OR51B5: variants seen among roughly 807,000 people sequenced by gnomAD.
OR51B5 encodes olfactory receptor 51B5.
For synonymous variants in OR51B5, 186 were observed against 144.8 expected (o/e 1.28, Z -2.04); for missense variants, 456 against 374.6 (o/e 1.22, Z -1.79).
intron 1 of OR51B5, among the ~76,000 whole-genome samples, chr11:5,383,175 C>T (rs1849637118): frequency 6.6e-6 from 1 of 151,926 alleles, no homozygotes; most frequent in South Asian, 2.1e-4. Context: ...TTGTAGGGCT[C>T]ATTGAAGGAA....
chr11:5,362,535 G>A (rs993211166), intron 1 of OR51B5: 7 of 162,132 alleles, frequency 4.3e-5, no homozygotes, highest in African/African-American at 1.7e-4. Context: ...AGAGAGCAGA[G>A]ATGAAGTCAG....
intron 1 of OR51B5, among the ~76,000 whole-genome samples, chr11:5,369,419 A>T (rs1243106396): frequency 6.6e-6 from 1 of 152,166 alleles, no homozygotes; most frequent in Non-Finnish European, 1.5e-5. Flanking sequence ...CATCTATTAT[A>T]CCTCAGTAAA....
intron 1 of OR51B5, among the ~76,000 whole-genome samples, chr11:5,412,502 G>A (rs1423014576): frequency 6.6e-6 from 1 of 152,220 alleles, no homozygotes; most frequent in East Asian, 1.9e-4. Context: ...GCCTCACTCG[G>A]GAAGCGCAAG....
intron 1 of OR51B5, among the ~76,000 whole-genome samples, chr11:5,478,616 A>C (rs1434808552): frequency 6.7e-6 from 1 of 150,228 alleles, no homozygotes; most frequent in African/African-American, 2.4e-5. Context: ...ACTTTGAAAA[A>C]AATTTAGAAG....
intron 1 of OR51B5, among the ~76,000 whole-genome samples, chr11:5,359,222 A>G (rs1176810895): frequency 4.0e-5 from 6 of 150,010 alleles, no homozygotes; most frequent in Middle Eastern, 6.8e-3. Context: ...TGCAGATGAC[A>G]CGATTGTATA....
intron 1 of OR51B5, among the ~76,000 whole-genome samples, chr11:5,389,104 G>A (rs7935520): frequency 0.79 from 119,233 of 151,694 alleles, 47,232 homozygotes; most frequent in Middle Eastern, 0.84. Context: ...ATAGAATATG[G>A]CCAGGAAATT....
intron 1 of OR51B5, among the ~76,000 whole-genome samples, chr11:5,364,537 G>A (rs1250004315): frequency 1.3e-5 from 2 of 152,206 alleles, no homozygotes; most frequent in Non-Finnish European, 2.9e-5. Flanking sequence ...TAAGCACAGT[G>A]CTTTGAAGAG....
intron 1 of OR51B5, among the ~76,000 whole-genome samples, chr11:5,370,718 C>T (rs187623755): frequency 6.6e-5 from 10 of 152,140 alleles, no homozygotes; most frequent in Admixed American, 5.9e-4. Flanking sequence ...TCCTATGAAG[C>T]TTGTATTTTA....
At chr11:5,369,122 C>G (rs1403678416) in intron 1 of OR51B5, among the ~76,000 whole-genome samples, 1 of 152,118 alleles carries the variant, frequency 6.6e-6, no homozygotes, top group Non-Finnish European at 1.5e-5. Context: ...TGACTAGAAT[C>G]TAAGGTTAGA....
At chr11:5,351,710 A>C (rs1330849840) in intron 1 of OR51B5, 2 of 1,613,960 alleles carry the variant, frequency 1.2e-6, no homozygotes, top group Admixed American at 1.7e-5. Flanking sequence ...GCAGCTACAG[A>C]CCTCGGAGTG....
chr11:5,436,355 G>C (rs185521342), intron 1 of OR51B5, among the ~76,000 whole-genome samples: 1 of 152,348 alleles, frequency 6.6e-6, no homozygotes, highest in African/African-American at 2.4e-5. Flanking sequence ...AACTCTTCAT[G>C]AAAGTTCTGG....
chr11:5,389,841 T>G, intron 1 of OR51B5: 2 of 1,613,960 alleles, frequency 1.2e-6, no homozygotes, highest in Non-Finnish European at 1.7e-6. Flanking sequence ...TCGGTCATTA[T>G]CACTGGCCAG....
intron 1 of OR51B5, among the ~76,000 whole-genome samples, chr11:5,490,789 G>C (rs189920251): frequency 1.6e-3 from 239 of 152,328 alleles, no homozygotes; most frequent in Non-Finnish European, 2.9e-3. Flanking sequence ...TCTACTAGCT[G>C]CAAGAATTAG....
At chr11:5,466,415 G>T (rs1468128695) in intron 1 of OR51B5, among the ~76,000 whole-genome samples, 2 of 152,066 alleles carry the variant, frequency 1.3e-5, no homozygotes, top group Non-Finnish European at 2.9e-5. Flanking sequence ...TTTTACTGTG[G>T]AAATGAAAGG....
intron 1 of OR51B5, among the ~76,000 whole-genome samples, chr11:5,477,665 C>T (rs971919149): frequency 3.1e-4 from 47 of 152,070 alleles, no homozygotes; most frequent in South Asian, 1.0e-3. Flanking sequence ...GCACCGTGCG[C>T]GAGCCGAAGC....
At chr11:5,430,589 C>A in intron 1 of OR51B5, 1 of 399,620 alleles carries the variant, frequency 2.5e-6, no homozygotes, top group South Asian at 1.9e-5. Flanking sequence ...TAGAGCTTTG[C>A]CCATAGCAGA....
intron 1 of OR51B5, among the ~76,000 whole-genome samples, chr11:5,448,812 G>C (rs1451173475): frequency 1.3e-5 from 2 of 152,176 alleles, no homozygotes; most frequent in Non-Finnish European, 2.9e-5. Context: ...AAAGGATGTA[G>C]CTCTGAATGC....
chr11:5,353,733 C>G (rs1406585387), intron 1 of OR51B5, among the ~76,000 whole-genome samples: 1 of 152,236 alleles, frequency 6.6e-6, no homozygotes, highest in Non-Finnish European at 1.5e-5. Flanking sequence ...ACCCAGTGAC[C>G]AGTCAGCTGG....
intron 1 of OR51B5, chr11:5,441,491 G>A: frequency 2.5e-6 from 4 of 1,612,298 alleles, no homozygotes; most frequent in Non-Finnish European, 3.4e-6. Context: ...CTGGCTGGAA[G>A]GGGGTGCCAT....
Sources: allele counts gnomAD v4.1 joint callset (sites outside exome capture counted in the v4.1 genomes callset), GRCh38; gene constraint gnomAD v4.1.1; transcripts MANE v1.5; gene names NCBI Gene and HGNC (gene_info 2026-07-23, HGNC 2026-07-21).